CMSS1: variants seen among roughly 807,000 people sequenced by gnomAD.
The protein encoded by CMSS1 is protein CMSS1.
CMSS1 carries 33 observed loss-of-function variants against 43.5 expected under a neutral mutation model. The observed-to-expected ratio is 0.76, with a 90% CI of 0.57 to 1.01. The LOEUF is 1.01. Ranked by LOEUF, CMSS1 falls within the 50% of genes least tolerant of loss-of-function variation. The pLI is 0.00. For missense variants in CMSS1, 313 were observed against 326.4 expected, an observed-to-expected ratio of 0.96 and a Z score of 0.32; for synonymous variants, 115 against 117.2, an observed-to-expected ratio of 0.98 and a Z score of 0.12.
At chr3:99,901,974 AAC>A (rs1255089674) in intron 1 of CMSS1, among the ~76,000 whole-genome samples, 1 of 152,182 alleles carries the variant, frequency 6.6e-6, no homozygotes, top group African/African-American at 2.4e-5. Context: ...AACAAAACAA[AAC>A]ACAGAGTGTT....
chr3:99,858,891 C>G (rs942225199), intron 1 of CMSS1, among the ~76,000 whole-genome samples: 2 of 152,210 alleles, frequency 1.3e-5, no homozygotes, highest in Non-Finnish European at 2.9e-5. Flanking sequence ...TCACCTTGTG[C>G]TTCTTCTGTC....
intron 1 of CMSS1, among the ~76,000 whole-genome samples, chr3:99,820,573 A>G (rs914403250): frequency 6.6e-6 from 1 of 152,262 alleles, no homozygotes; most frequent in Non-Finnish European, 1.5e-5. Flanking sequence ...AAGCAAAGTA[A>G]GTATATGCCT....
In CMSS1 at chr3:100,181,322, T is replaced by C. The variant is rs1358838389; in HGVS notation, c.*2934T>C. Reference sequence around the variant, plus strand: ...TTTTAAAAACTTTCTATTTTGAAACTTCAGGCTTAATAGAAAAGTTTAAAA... The same window carrying C: ...TTTTAAAAACTTTCTATTTTGAAACCTCAGGCTTAATAGAAAAGTTTAAAA... On this transcript the variant is annotated 3_prime_UTR_variant, in exon 10 of 10. Transcript: ENST00000421999. 1 of 152,220 alleles carries C rather than the reference T, an allele frequency of 6.6e-6. No homozygotes were observed. Among genetic ancestry groups the C allele is most frequent in the Non-Finnish European group, 1.5e-5 (1 of 68,042 alleles). The allele number at this position is 152,220 out of a possible 1,614,324, so 9.4% of individuals were successfully genotyped here.
chr3:99,963,394 A>G (rs543206220), intron 1 of CMSS1, among the ~76,000 whole-genome samples: 104 of 152,306 alleles, frequency 6.8e-4, no homozygotes, highest in Non-Finnish European at 1.3e-3. Context: ...TAGGAAAAGA[A>G]GTAAAAATAA....
intron 1 of CMSS1, among the ~76,000 whole-genome samples, chr3:100,031,132 ACAT>A (rs1328439201): frequency 2.0e-5 from 3 of 152,130 alleles, no homozygotes; most frequent in African/African-American, 7.2e-5. Flanking sequence ...ATTTTCCTAG[ACAT>A]CAGCATTTTT....
chr3:99,993,352 A>G (rs1451238062), intron 1 of CMSS1, among the ~76,000 whole-genome samples: 2 of 151,962 alleles, frequency 1.3e-5, no homozygotes, highest in Non-Finnish European at 2.9e-5. Context: ...TCACTAGTTC[A>G]TTTGTCAAAT....
intron 1 of CMSS1, among the ~76,000 whole-genome samples, chr3:100,030,781 C>G (rs923786853): frequency 6.6e-6 from 1 of 152,076 alleles, no homozygotes; most frequent in Non-Finnish European, 1.5e-5. Flanking sequence ...ATCCGTTTTC[C>G]CTCCCTGTAG....
intron 1 of CMSS1, among the ~76,000 whole-genome samples, chr3:100,074,794 A>G (rs1022723069): frequency 2.6e-4 from 37 of 143,728 alleles, no homozygotes; most frequent in African/African-American, 9.6e-4. Flanking sequence ...ACTGGGTTCA[A>G]GCGATTCTCT....
At chr3:99,841,180 G>A (rs1576500702) in intron 1 of CMSS1, among the ~76,000 whole-genome samples, 1 of 152,220 alleles carries the variant, frequency 6.6e-6, no homozygotes, top group Admixed American at 6.5e-5. Flanking sequence ...ACACAAGTTT[G>A]GTTGCATAAG....
chr3:99,996,523 C>T (rs1002202962), intron 1 of CMSS1, among the ~76,000 whole-genome samples: 20 of 152,090 alleles, frequency 1.3e-4, no homozygotes, highest in African/African-American at 4.6e-4. Flanking sequence ...TCAGCAATGC[C>T]CCACTCCACC....
chr3:100,054,700 C>G (rs1468094079), intron 1 of CMSS1, among the ~76,000 whole-genome samples: 2 of 152,118 alleles, frequency 1.3e-5, no homozygotes. Context: ...GATTTCCCTT[C>G]CCTCTGGGCT....
chr3:100,102,257 T>C (rs930432679), intron 1 of CMSS1, among the ~76,000 whole-genome samples: 22 of 152,192 alleles, frequency 1.4e-4, no homozygotes, highest in African/African-American at 5.3e-4. Flanking sequence ...AGTGTTCCTA[T>C]TTCTCCACAT....
chr3:100,121,837 G>A (rs1281738128), intron 1 of CMSS1, among the ~76,000 whole-genome samples: 1 of 152,146 alleles, frequency 6.6e-6, no homozygotes, highest in African/African-American at 2.4e-5. Context: ...GACCTCAGAG[G>A]CTGGCCTCAC....
intron 1 of CMSS1, among the ~76,000 whole-genome samples, chr3:99,975,136 A>G (rs551235454): frequency 1.3e-5 from 2 of 152,210 alleles, no homozygotes; most frequent in Non-Finnish European, 2.9e-5. Flanking sequence ...CAGGCATTCA[A>G]CTTCCACCTG....
chr3:99,893,466 G>C (rs1269347161), intron 1 of CMSS1, among the ~76,000 whole-genome samples: 1 of 152,050 alleles, frequency 6.6e-6, no homozygotes. Flanking sequence ...CGCCCAGCCG[G>C]CATCTAGACA....
chr3:100,014,891 C>CTTTTTTTTTTTTTTT (rs1710284139), intron 1 of CMSS1, among the ~76,000 whole-genome samples: 1 of 27,226 alleles, frequency 3.7e-5, no homozygotes, highest in Non-Finnish European at 6.9e-5. Context: ...TTTTTTCTTT[C>CTTTTTTTTTTTTTTT]TTTCTTTTTT....
chr3:100,160,409 C>A, intron 2 of CMSS1, 21 bp from the exon 3 acceptor site: 2 of 1,249,384 alleles, frequency 1.6e-6, no homozygotes, highest in South Asian at 1.3e-5. Flanking sequence ...TTAAAATGTT[C>A]TCATTTGTAT....
chr3:99,963,316 T>C (rs1335108924), intron 1 of CMSS1, among the ~76,000 whole-genome samples: 1 of 152,224 alleles, frequency 6.6e-6, no homozygotes, highest in Non-Finnish European at 1.5e-5. Context: ...AAGTGCTTCT[T>C]GGGAACAGAA....
chr3:100,166,143 G>A (rs954520459), intron 4 of CMSS1, among the ~76,000 whole-genome samples, 192 bp from the exon 5 acceptor site: 7 of 152,190 alleles, frequency 4.6e-5, no homozygotes, highest in East Asian at 3.8e-4. Flanking sequence ...GGGCAGCTCC[G>A]TGACAGGTTA....
Sources: allele counts gnomAD v4.1 joint callset (sites outside exome capture counted in the v4.1 genomes callset), GRCh38; gene constraint gnomAD v4.1.1; transcripts MANE v1.5; gene names NCBI Gene and HGNC (gene_info 2026-07-23, HGNC 2026-07-21).